PPP3CA: variants seen among roughly 807,000 people sequenced by gnomAD.
PPP3CA encodes the protein protein phosphatase 3 catalytic subunit alpha.
Under a neutral mutation model 66.5 loss-of-function variants are expected in PPP3CA, and 14 were observed. That is an observed-to-expected ratio of 0.21 (90% CI 0.14 to 0.33). The LOEUF (loss-of-function observed/expected upper bound fraction) is 0.33, where lower values mean the gene tolerates loss of function less well. Ranked by LOEUF, PPP3CA falls within the 10% of genes least tolerant of loss-of-function variation. The pLI is 1.00. For missense variants in PPP3CA, 317 were observed against 639.5 expected (o/e 0.50, Z 5.44); for synonymous variants, 232 against 226.2 (o/e 1.03, Z -0.23).
intron 2 of PPP3CA, among the ~76,000 whole-genome samples, chr4:101,111,388 T>G (rs1019532468): frequency 1.3e-5 from 2 of 152,160 alleles, no homozygotes; most frequent in Admixed American, 1.3e-4. Flanking sequence ...GTCTTGCTAC[T>G]GGCTCTCTCC....
intron 13 of PPP3CA, among the ~76,000 whole-genome samples, chr4:101,027,461 G>A (rs1285316338): frequency 6.6e-6 from 1 of 152,126 alleles, no homozygotes; most frequent in African/African-American, 2.4e-5. Flanking sequence ...TCAACTGTGA[G>A]AGGAATAAGA....
Position 101,266,393 on chromosome 4 carries a change from T to C in PPP3CA, c.59-70277A>G, listed in dbSNP as rs114215306. Among the ~76,000 whole-genome samples the C allele has an allele frequency of 5.8e-3, 884 of 152,278 alleles. 9 individuals carry two copies. Among genetic ancestry groups the C allele is most frequent in the South Asian group, 0.015 (74 of 4,826 alleles). ...AAGTGAATGCATTTTTCAATCAAGT[T>C]ATTAAATTTAGATATGGCCCTAGCT... On this transcript the variant is annotated intron_variant, in intron 1 of 13. Coordinates refer to ENST00000394854, the MANE Select transcript of PPP3CA (RefSeq NM_000944.5).
chr4:101,218,499 T>C (rs1725522251), intron 1 of PPP3CA, among the ~76,000 whole-genome samples: 1 of 152,070 alleles, frequency 6.6e-6, no homozygotes, highest in African/African-American at 2.4e-5. Context: ...TTAATTTTTG[T>C]TGTTGTTACA....
chr4:101,096,848 C>T (rs1005312886), intron 5 of PPP3CA, among the ~76,000 whole-genome samples: 22 of 152,124 alleles, frequency 1.4e-4, no homozygotes, highest in Admixed American at 6.5e-4. Flanking sequence ...ACACTGTTTA[C>T]TAATTTAATA....
intron 1 of PPP3CA, among the ~76,000 whole-genome samples, chr4:101,295,762 T>A (rs990441512): frequency 2.0e-5 from 3 of 152,264 alleles, no homozygotes; most frequent in Non-Finnish European, 4.4e-5. Context: ...CCTACTGTCA[T>A]GAGTTAAAGA....
intron 3 of PPP3CA, among the ~76,000 whole-genome samples, chr4:101,104,525 A>G (rs1560603571): frequency 6.6e-6 from 1 of 152,052 alleles, no homozygotes; most frequent in South Asian, 2.1e-4. Flanking sequence ...GGTTAGTGGA[A>G]GAACACAGGC....
chr4:101,237,781 C>T (rs1032045159), intron 1 of PPP3CA, among the ~76,000 whole-genome samples: 1 of 152,084 alleles, frequency 6.6e-6, no homozygotes, highest in African/African-American at 2.4e-5. Flanking sequence ...CTGGCCAGAT[C>T]CCCTAGTCAG....
intron 1 of PPP3CA, among the ~76,000 whole-genome samples, chr4:101,301,234 C>A (rs1728364787): frequency 6.6e-6 from 1 of 151,698 alleles, no homozygotes; most frequent in Non-Finnish European, 1.5e-5. Context: ...AAATGTCCAA[C>A]ATTCACATTG....
intron 10 of PPP3CA, among the ~76,000 whole-genome samples, chr4:101,052,252 T>A (rs1728043485): frequency 6.6e-6 from 1 of 152,084 alleles, no homozygotes. Flanking sequence ...AATTAAAGTA[T>A]GATAGCTAAC....
chr4:101,249,020 C>T (rs181523180), intron 1 of PPP3CA, among the ~76,000 whole-genome samples: 223 of 151,502 alleles, frequency 1.5e-3, no homozygotes, highest in African/African-American at 5.2e-3. Flanking sequence ...ATTAGCCGGG[C>T]GCGGTGGCGG....
chr4:101,150,866 C>T (rs1723114497), intron 2 of PPP3CA, among the ~76,000 whole-genome samples: 1 of 152,100 alleles, frequency 6.6e-6, no homozygotes, highest in East Asian at 1.9e-4. Flanking sequence ...TTTGGGGAAA[C>T]ATTAGTTCAG....
chr4:101,201,645 G>A (rs961367487), intron 1 of PPP3CA, among the ~76,000 whole-genome samples: 2 of 152,204 alleles, frequency 1.3e-5, no homozygotes, highest in African/African-American at 4.8e-5. Flanking sequence ...ATCAGGACAT[G>A]TACAGGAACA....
At chr4:101,250,090 T>C (rs550462800) in intron 1 of PPP3CA, among the ~76,000 whole-genome samples, 1 of 152,320 alleles carries the variant, frequency 6.6e-6, no homozygotes, top group South Asian at 2.1e-4. Context: ...TGCTTCGTGG[T>C]TCAGTTTTAA....
chr4:101,052,582 C>A (rs1171292397), intron 10 of PPP3CA, among the ~76,000 whole-genome samples: 1 of 151,400 alleles, frequency 6.6e-6, no homozygotes, highest in Non-Finnish European at 1.5e-5. Context: ...AACAAAAAAA[C>A]CAACAATAAA....
At position 101,056,356 on chromosome 4, in the gene PPP3CA, CGTAA is replaced by C. The variant is rs138904127; in HGVS notation, c.1156+4727_1156+4730del. Among the ~76,000 whole-genome samples, 981 of 152,222 alleles carry C rather than the reference CGTAA, an allele frequency of 6.4e-3. 7 individuals are homozygous for C. The highest frequency in any genetic ancestry group is 0.034 in the Middle Eastern group (10 of 294). On this transcript the variant is annotated intron_variant, in intron 10 of 13. Transcript: ENST00000394854. The stretch of plus-strand genomic sequence containing the variant: ...AAAGAACTAAGCTTGATCCCTAACA[CGTAA>C]GTGTTAGCTGCTGTCACTAACATCA...
rs559919315 is a variant in PPP3CA at position 101,024,372 on chromosome 4, T to C, written c.*1493A>G. 1.3e-5 allele frequency: 2 copies of C among 152,806 alleles called. No homozygotes were observed. The highest frequency in any genetic ancestry group is 4.8e-5 in the African/African-American group (2 of 41,594). 9.5% of individuals were successfully genotyped at this position (152,806 alleles called of 1,614,324 possible). A position where few individuals can be genotyped will look rare whatever the true frequency, so the allele number is the denominator to read the frequency against. On this transcript the variant is annotated 3_prime_UTR_variant, in exon 14 of 14. Transcript: ENST00000394854. ...TTGAGTAGTAATATAAAATGCTTTT[T>C]CTTTTTCATTGTTACAAGTGCATGC...
intron 1 of PPP3CA, among the ~76,000 whole-genome samples, chr4:101,302,401 G>T (rs1409184846): frequency 1.3e-5 from 2 of 152,192 alleles, no homozygotes; most frequent in African/African-American, 4.8e-5. Flanking sequence ...CAAAAAGCAA[G>T]GATAAACTTT....
At chr4:101,105,846 C>T (rs147857101) in intron 3 of PPP3CA, among the ~76,000 whole-genome samples, 38 of 152,192 alleles carry the variant, frequency 2.5e-4, no homozygotes, top group African/African-American at 9.2e-4. Flanking sequence ...ATTTGACTGA[C>T]AAAAATAATC....
chr4:101,088,254 C>A (rs534459065), intron 6 of PPP3CA, among the ~76,000 whole-genome samples: 1 of 152,082 alleles, frequency 6.6e-6, no homozygotes, highest in African/African-American at 2.4e-5. Context: ...TACTGGACTG[C>A]CATTTTCTTG....
Sources: allele counts gnomAD v4.1 joint callset (sites outside exome capture counted in the v4.1 genomes callset), GRCh38; gene constraint gnomAD v4.1.1; transcripts MANE v1.5; gene names NCBI Gene and HGNC (gene_info 2026-07-23, HGNC 2026-07-21).